The following DCHS2 variants were observed in gnomAD, a reference collection of about 807,000 sequenced individuals.
DCHS2 encodes the protein protocadherin-23.
DCHS2 carries 142 observed loss-of-function variants against 182.4 expected under a neutral mutation model. The observed-to-expected ratio is 0.78, with a 90% confidence interval of 0.68 to 0.89. The LOEUF (loss-of-function observed/expected upper bound fraction) is 0.89, where lower values mean the gene tolerates loss of function less well. Among genes scored for constraint, DCHS2 ranks in the 40% least tolerant of loss-of-function variants. The pLI is 0.00. For missense variants in DCHS2, 4,319 were observed against 4,198.6 expected (o/e 1.03, Z -0.79); for synonymous variants, 1,740 against 1,663.3 (o/e 1.05, Z -1.12).
At chr4:154,287,169 T>C (rs1734441755) in intron 13 of DCHS2, among the ~76,000 whole-genome samples, 1 of 152,152 alleles carries the variant, frequency 6.6e-6, no homozygotes, top group Admixed American at 6.5e-5. Context: ...AGCTGAGGGA[T>C]TTCATCAACA....
intron 2 of DCHS2, among the ~76,000 whole-genome samples, chr4:154,370,340 A>G (rs1730584630): frequency 6.6e-6 from 1 of 152,146 alleles, no homozygotes; most frequent in African/African-American, 2.4e-5. Context: ...GGAAAAATAG[A>G]TCAAATAAAG....
intron 13 of DCHS2, among the ~76,000 whole-genome samples, chr4:154,271,360 C>A (rs1733581515): frequency 1.3e-5 from 2 of 152,142 alleles, no homozygotes; most frequent in Admixed American, 6.6e-5. Context: ...GCTATTGTAG[C>A]ATGAAAGTAG....
At chr4:154,277,477 C>G (rs757182192) in intron 13 of DCHS2, among the ~76,000 whole-genome samples, 7 of 152,028 alleles carry the variant, frequency 4.6e-5, no homozygotes, top group African/African-American at 1.7e-4. Flanking sequence ...TGGGTAGTCA[C>G]GTACATAAGC....
At chr4:154,339,010 T>C (rs1041097509) in intron 3 of DCHS2, among the ~76,000 whole-genome samples, 1 of 152,210 alleles carries the variant, frequency 6.6e-6, no homozygotes, top group African/African-American at 2.4e-5. Flanking sequence ...TAGATAGATA[T>C]AAAGTGAGAT....
chr4:154,465,144 G>A (rs141115416), intron 1 of DCHS2, among the ~76,000 whole-genome samples: 11 of 152,152 alleles, frequency 7.2e-5, no homozygotes, highest in African/African-American at 2.7e-4. Flanking sequence ...TTAGCTTGGT[G>A]GTTTTGCTTC....
At chr4:154,264,866 T>A (rs552329502) in intron 14 of DCHS2, among the ~76,000 whole-genome samples, 116 of 152,206 alleles carry the variant, frequency 7.6e-4, no homozygotes, top group African/African-American at 2.7e-3. Flanking sequence ...CTAAATCAAC[T>A]GAAAAATACT....
In DCHS2 at chr4:154,234,460, C is replaced by T. The variant is rs1343813284; in HGVS notation, c.*76G>A. ...TTTTAGATAAAAATGAGCCCAATCT[C>T]GAGTTGCTGGCTTGAAAACATTTTG... is the stretch of plus-strand genomic sequence containing the variant. On this transcript the variant is annotated 3_prime_UTR_variant, in exon 20 of 20. Transcript: ENST00000357232. 2.4e-5 allele frequency: 35 copies of T among 1,435,556 alleles called. No individual in the cohort carries two copies. The highest frequency in any genetic ancestry group is 1.8e-4 in the Middle Eastern group (1 of 5,472). The allele number at this position is 1,435,556 out of a possible 1,614,324, so 88.9% of individuals were successfully genotyped here. A position where few individuals can be genotyped will look rare whatever the true frequency, so the allele number is the denominator to read the frequency against.
In DCHS2 at chr4:154,235,748, C is replaced by G. The variant is rs542037981; in HGVS notation, c.8904G>C (p.Lys2968Asn). 6.2e-7 allele frequency: 1 copy of G among 1,614,042 alleles called. No homozygotes were observed. Among genetic ancestry groups the G allele is most frequent in the East Asian group, 2.2e-5 (1 of 44,856 alleles). ...IIAHSPKSDS[K>N]FASCTVFVNV... The stretch of plus-strand genomic sequence containing the variant: ...TCACAAAAACAGTGCAAGATGCAAA[C>G]TTGGAATCTGATTTGGGACTATGAG... The change falls in exon 20 of 20, where the codon AAG becomes AAC. Residue 2968 changes from lysine to asparagine, a missense_variant. Physicochemically the swap from Lys to Asn is moderately conservative, Grantham distance 94. Transcript: ENST00000357232.
At chr4:154,374,895 G>A (rs763575804) in intron 2 of DCHS2, among the ~76,000 whole-genome samples, 4 of 152,176 alleles carry the variant, frequency 2.6e-5, no homozygotes, top group Non-Finnish European at 5.9e-5. Context: ...GCAGAACGGT[G>A]TGTATAGTAG....
rs1429559993 is a variant in DCHS2 at position 154,322,384 on chromosome 4, C to A, written c.4123G>T (p.Ala1375Ser). The change falls in exon 8 of 20, where the codon GCC becomes TCC. Residue 1375 changes from alanine (A) to serine (S), a missense_variant. Transcript: ENST00000357232. The part of the protein sequence containing the change: ...YRPSYRMSVI[A>S]TDQGVPPLQG... ...AGAGGAGGCACTCCCTGGTCAGTGG[C>A]AATGACACTCATTCTGTAGGAAGGT... The A allele has an allele frequency of 1.9e-6, 3 of 1,613,716 alleles. No individual in the cohort carries two copies. Among genetic ancestry groups the A allele is most frequent in the South Asian group, 2.2e-5 (2 of 91,052 alleles).
rs1350791153 is a variant in DCHS2, at chr4:154,490,285, C to T, written c.1071G>A (p.Ala357=). ...GGALGDAAYF[A]VEELSGVVRV... ...GCACCACGCCGCTCAGCTCCTCCAC[C>T]GCGAAGTAGGCCGCGTCGCCCAGTG... Residue 357 remains alanine (A), a synonymous_variant, in exon 1 of 20, where the codon GCG becomes GCA. Transcript: ENST00000357232. 1.3e-6 allele frequency: 2 copies of T among 1,548,180 alleles called. No individual in the cohort carries two copies. The highest frequency in any genetic ancestry group is 8.7e-7 in the Non-Finnish European group (1 of 1,146,696).
At position 154,235,729 on chromosome 4, in the gene DCHS2, A is replaced by C; in HGVS notation, c.8923T>G (p.Phe2975Val). Residue 2975 changes from phenylalanine (F) to valine (V), a missense_variant, in exon 20 of 20, where the codon TTT (phenylalanine) becomes GTT (valine). Coordinates refer to ENST00000357232, the MANE Select transcript of DCHS2 (RefSeq NM_001358235.2). ...SDSKFASCTVFVNVSFSSEGT... is the reference protein window; with the variant it reads ...SDSKFASCTVVVNVSFSSEGT... ...TCAGAGGAGAAAGACACATTCACAA[A>C]AACAGTGCAAGATGCAAACTTGGAA... is the stretch of plus-strand genomic sequence containing the variant. 6.2e-7 allele frequency: 1 copy of C among 1,613,992 alleles called. No homozygotes were observed.
At chr4:154,381,043 A>G (rs1444918834) in intron 1 of DCHS2, among the ~76,000 whole-genome samples, 2 of 152,124 alleles carry the variant, frequency 1.3e-5, no homozygotes, top group African/African-American at 4.8e-5. Context: ...TTGAAGCAAG[A>G]GGCACCTGGC....
intron 3 of DCHS2, among the ~76,000 whole-genome samples, chr4:154,351,768 C>T (rs895811546): frequency 2.6e-5 from 4 of 152,046 alleles, no homozygotes; most frequent in African/African-American, 7.2e-5. Context: ...AGGGTTAGTG[C>T]TCCTATAAGA....
At chr4:154,361,370 A>T (rs1275685117) in intron 3 of DCHS2, among the ~76,000 whole-genome samples, 1 of 152,212 alleles carries the variant, frequency 6.6e-6, no homozygotes, top group Non-Finnish European at 1.5e-5. Flanking sequence ...GTAAAACTAC[A>T]GAATAAATAG....
At chr4:154,437,432 T>C (rs765373054) in intron 1 of DCHS2, among the ~76,000 whole-genome samples, 11 of 152,158 alleles carry the variant, frequency 7.2e-5, no homozygotes, top group Non-Finnish European at 1.6e-4. Context: ...ACAAGCCCAA[T>C]CTAGGCTTTC....
At chr4:154,442,081 A>T (rs1335322639) in intron 1 of DCHS2, among the ~76,000 whole-genome samples, 1 of 152,170 alleles carries the variant, frequency 6.6e-6, no homozygotes, top group African/African-American at 2.4e-5. Flanking sequence ...TATCATCGTC[A>T]TCTGGGTGAC....
chr4:154,387,808 A>G (rs2110837969), intron 1 of DCHS2, among the ~76,000 whole-genome samples: 1 of 152,286 alleles, frequency 6.6e-6, no homozygotes, highest in African/African-American at 2.4e-5. Context: ...ATGTAGAAAG[A>G]GGACTTCAAA....
chr4:154,419,650 CAAAAAAAAAAAAAA>C (rs70947164), intron 1 of DCHS2, among the ~76,000 whole-genome samples: 1 of 44,914 alleles, frequency 2.2e-5, no homozygotes, highest in South Asian at 1.3e-3. Flanking sequence ...AACTCCATCT[CAAAAAAAAAAAAAA>C]AAAAAAAAAA....
Sources: gnomAD v4.1 joint callset for allele counts (sites outside exome capture counted in the v4.1 genomes callset) on GRCh38, gnomAD v4.1.1 for gene constraint, MANE v1.5 for transcripts, NCBI Gene and HGNC (gene_info 2026-07-23, HGNC 2026-07-21) for gene names.